Variants in UBR1 observed in about 807,000 individuals in gnomAD.
UBR1 encodes ubiquitin protein ligase E3 component n-recognin 1, also known as E3 ubiquitin-protein ligase UBR1.
Under a neutral mutation model 242.1 loss-of-function variants are expected in UBR1, and 102 were observed. The ratio of observed to expected loss-of-function variants is 0.42; its 90% CI spans 0.36 to 0.50. The LOEUF (loss-of-function observed/expected upper bound fraction) is 0.50. Ranked by LOEUF, UBR1 falls within the 20% of genes least tolerant of loss-of-function variation. The probability of loss-of-function intolerance (pLI) is 0.01; values close to 1 mark genes in which losing one functional copy is unlikely to be tolerated. For missense variants in UBR1, 1,772 were observed against 2,101.8 expected (o/e 0.84, Z 3.07); for synonymous variants, 675 against 684.8 (o/e 0.99, Z 0.22).
chr15:43,102,885 C>T (rs543257356), intron 1 of UBR1, among the ~76,000 whole-genome samples: 3 of 152,270 alleles, frequency 2.0e-5, no homozygotes, highest in East Asian at 1.9e-4. Context: ...AGATCTTATC[C>T]GGGCTGGGCG....
At chr15:43,017,820 AAAAG>A (rs1203667577) in intron 27 of UBR1, among the ~76,000 whole-genome samples, 1 of 151,784 alleles carries the variant, frequency 6.6e-6, no homozygotes, top group Non-Finnish European at 1.5e-5. Flanking sequence ...AAAAAAAAAA[AAAAG>A]ATACAAAATG....
At chr15:43,099,986 C>T (rs551921098) in intron 1 of UBR1, among the ~76,000 whole-genome samples, 52 of 152,226 alleles carry the variant, frequency 3.4e-4, no homozygotes, top group Admixed American at 1.2e-3. Context: ...CGCCATTCTC[C>T]TGCCTCAGCC....
chr15:42,983,719 G>C (rs1364065844), intron 37 of UBR1, among the ~76,000 whole-genome samples, 178 bp downstream of exon 37: 1 of 145,776 alleles, frequency 6.9e-6, no homozygotes, highest in African/African-American at 2.5e-5. Context: ...GTTTTACAGA[G>C]GCAGCTATGT....
intron 9 of UBR1, 49 bp downstream of exon 9, chr15:43,059,036 T>A (rs747721800): frequency 6.8e-7 from 1 of 1,462,068 alleles, no homozygotes; most frequent in East Asian, 2.3e-5. Context: ...TTTAAGGTCA[T>A]AATCTTCCTT....
chr15:43,007,998 C>T (rs147104182), intron 29 of UBR1, among the ~76,000 whole-genome samples: 7 of 152,274 alleles, frequency 4.6e-5, no homozygotes, highest in East Asian at 3.9e-4. Context: ...TCTACTGAGG[C>T]GTACAATAAT....
Position 42,945,071 on chromosome 15 carries a change from A to G in UBR1, c.*258T>C. ...AGTGGATGAAATAAAATGAAATGAG[A>G]CAAATTATGAAGGGGAATAAATTCC... On this transcript the variant is annotated 3_prime_UTR_variant, in exon 47 of 47. Transcript: ENST00000290650. 2.1e-6 allele frequency: 1 copy of G among 469,672 alleles called. No homozygotes were observed. Among genetic ancestry groups the G allele is most frequent in the South Asian group, 2.1e-5 (1 of 46,648 alleles). 29.1% of individuals were successfully genotyped at this position (469,672 alleles called of 1,614,324 possible). A position where few individuals can be genotyped will look rare whatever the true frequency, so the allele number is the denominator to read the frequency against.
chr15:43,057,898 G>A (rs996910840), intron 10 of UBR1, among the ~76,000 whole-genome samples: 5 of 151,364 alleles, frequency 3.3e-5, no homozygotes, highest in African/African-American at 7.3e-5. Flanking sequence ...TTTATATAAC[G>A]TATGAGAACG....
At chr15:43,023,240 T>A (rs1202191573) in intron 25 of UBR1, among the ~76,000 whole-genome samples, 2 of 152,114 alleles carry the variant, frequency 1.3e-5, no homozygotes, top group East Asian at 3.8e-4. Context: ...CGGAAAGGTT[T>A]CAGCAGTTCA....
intron 29 of UBR1, among the ~76,000 whole-genome samples, chr15:43,014,845 C>T (rs1231237299): frequency 6.7e-6 from 1 of 150,354 alleles, no homozygotes; most frequent in East Asian, 2.0e-4. Context: ...GGGGGTCAGC[C>T]CCCGCCCGGC....
chr15:43,047,858 A>G (rs192910108), intron 13 of UBR1, among the ~76,000 whole-genome samples: 1 of 152,358 alleles, frequency 6.6e-6, no homozygotes, highest in African/African-American at 2.4e-5. Context: ...GAGATCATGC[A>G]TGAAAAGTGC....
chr15:43,076,615 G>A (rs982424258), intron 3 of UBR1, among the ~76,000 whole-genome samples: 2 of 150,232 alleles, frequency 1.3e-5, no homozygotes, highest in African/African-American at 4.9e-5. Context: ...GGGAGGTGAG[G>A]AGCCTCTCTG....
At chr15:43,076,787 C>G (rs2033904947) in intron 3 of UBR1, among the ~76,000 whole-genome samples, 1 of 139,296 alleles carries the variant, frequency 7.2e-6, no homozygotes. Context: ...GGGGGTCAGC[C>G]CCCCGCCCGG....
chr15:43,105,668 T>C (rs770363773), intron 1 of UBR1, among the ~76,000 whole-genome samples: 20 of 152,146 alleles, frequency 1.3e-4, no homozygotes, highest in Non-Finnish European at 2.6e-4. Flanking sequence ...CATCAAACCG[T>C]CTAATAACAT....
At chr15:43,017,447 T>C (rs975403201) in intron 27 of UBR1, among the ~76,000 whole-genome samples, 2 of 152,146 alleles carry the variant, frequency 1.3e-5, no homozygotes, top group African/African-American at 2.4e-5. Context: ...TTCAAGAGAT[T>C]TGCCAGGAAA....
intron 30 of UBR1, among the ~76,000 whole-genome samples, chr15:43,005,309 G>GGAGGTGGGGGGCAGCCCCCGCCTGGC (rs2032798506): frequency 1.9e-5 from 1 of 52,014 alleles, no homozygotes; most frequent in Non-Finnish European, 4.1e-5. Flanking sequence ...CCCCCGCCCG[G>GGAGGTGGGGGGCAGCCCCCGCCTGGC]CAGCCGCCCC....
chr15:43,048,340 T>A, intron 13 of UBR1, 52 bp downstream of exon 13: 1 of 1,439,918 alleles, frequency 6.9e-7, no homozygotes, highest in South Asian at 1.2e-5. Flanking sequence ...AGACTGCGGT[T>A]CAATTTTTAA....
At chr15:43,018,410 G>C (rs1468868513) in intron 27 of UBR1, among the ~76,000 whole-genome samples, 5 of 151,902 alleles carry the variant, frequency 3.3e-5, no homozygotes, top group African/African-American at 1.2e-4. Context: ...TCATTCATTC[G>C]ACAGAGTTTC....
chr15:43,099,796 G>A (rs1156823420), intron 1 of UBR1, among the ~76,000 whole-genome samples: 1 of 152,072 alleles, frequency 6.6e-6, no homozygotes, highest in Non-Finnish European at 1.5e-5. Context: ...AACAGGTAAC[G>A]TAGAGTACAG....
intron 33 of UBR1, among the ~76,000 whole-genome samples, chr15:42,992,590 C>G (rs897606944): frequency 2.6e-5 from 4 of 152,198 alleles, no homozygotes; most frequent in African/African-American, 9.7e-5. Flanking sequence ...ATGAAGCTTA[C>G]TTCTCAAAAC....
Sources: allele counts gnomAD v4.1 joint callset (sites outside exome capture counted in the v4.1 genomes callset), GRCh38; gene constraint gnomAD v4.1.1; transcripts MANE v1.5; gene names NCBI Gene and HGNC (gene_info 2026-07-23, HGNC 2026-07-21).